PHKA2: variants seen among roughly 807,000 people sequenced by gnomAD.
PHKA2 encodes the protein phosphorylase b kinase regulatory subunit alpha, liver isoform.
PHKA2 carries 31 observed loss-of-function variants against 102.0 expected under a neutral mutation model. The observed-to-expected ratio is 0.30, with a 90% CI of 0.23 to 0.41. The LOEUF (loss-of-function observed/expected upper bound fraction) is 0.41, where lower values mean the gene tolerates loss of function less well. PHKA2 is among the 10% of genes least tolerant of loss of function. The pLI, the probability that PHKA2 is intolerant of heterozygous loss-of-function variation, is 1.00. For missense variants in PHKA2, 858 were observed against 1,023.1 expected, an observed-to-expected ratio of 0.84 and a Z score of 2.20; for synonymous variants, 455 against 416.2, an observed-to-expected ratio of 1.09 and a Z score of -1.13.
rs1436103955 is a variant in PHKA2 at position 18,926,537 on chromosome X, C to T, written c.1375G>A (p.Gly459Arg). The change falls in exon 14 of 33, where the codon GGG becomes AGG. Residue 459 changes from glycine (G) to arginine (R), a missense_variant. By Grantham distance (125) the Gly-to-Arg change is moderately radical. This residue lies in a region of PHKA2 where 671 missense variants were observed against 745.2 expected (regional missense o/e 0.90). Coordinates refer to ENST00000379942, the MANE Select transcript of PHKA2 (RefSeq NM_000292.3). ...NHIKDLLRKH[G>R]VNVQSIADIH... ...TCCGCGATACTCTGGACGTTCACCC[C>T]GTGTTTCCTCAATAAGTCCTTAATG... The T allele has an allele frequency of 1.7e-6, 2 of 1,202,469 alleles. No individual in the cohort carries two copies. The highest frequency in any genetic ancestry group is 3.0e-5 in the East Asian group (1 of 33,732).
At chrX:18,918,958 A>G (rs2048067568) in intron 18 of PHKA2, 104 bp from the exon 19 acceptor site, 9 of 654,960 alleles carry the variant, frequency 1.4e-5, no homozygotes, top group Non-Finnish European at 2.3e-5. Context: ...TAGGCTTAGC[A>G]GATGACAACA....
chrX:18,979,733 C>T (rs2049143703), intron 1 of PHKA2, among the ~76,000 whole-genome samples: 1 of 111,334 alleles, frequency 9.0e-6, no homozygotes, highest in Admixed American at 9.6e-5. Context: ...AAAAGTTCTT[C>T]TCTTTCACAG....
Position 18,948,580 on chromosome X carries a change from G to GA in PHKA2, c.537+163_537+164insT, listed in dbSNP as rs1435406761. Among the ~76,000 whole-genome samples the GA allele has an allele frequency of 5.3e-5, 6 of 112,446 alleles. No homozygotes were observed. In the Admixed American group the frequency reaches 5.6e-4, roughly 11 times the overall value. ...ACCTGAAACCCCCAACTCTATTCCA[G>GA]GACAAAAATATGCAGTTTGTGTGTG... On this transcript the variant is annotated intron_variant, in intron 5 of 32. Coordinates refer to ENST00000379942, the MANE Select transcript of PHKA2 (RefSeq NM_000292.3).
At chrX:18,895,648 C>A (rs1431876491) in intron 30 of PHKA2, 3 of 152,447 alleles carry the variant, frequency 2.0e-5, no homozygotes, top group African/African-American at 9.1e-5. Context: ...CAGACATGCA[C>A]ATGCACACCC....
At chrX:18,956,472 T>C (rs182949033) in intron 1 of PHKA2, among the ~76,000 whole-genome samples, 1 of 112,093 alleles carries the variant, frequency 8.9e-6, no homozygotes, top group African/African-American at 3.2e-5. Context: ...ACAAACAACC[T>C]TCTGGTGACA....
chrX:18,916,773 T>TTCCTG (rs1311016627), intron 19 of PHKA2, among the ~76,000 whole-genome samples: 1 of 112,396 alleles, frequency 8.9e-6, no homozygotes, highest in East Asian at 2.8e-4. Flanking sequence ...AGCATCATGC[T>TTCCTG]TCCTGTACAG....
intron 1 of PHKA2, among the ~76,000 whole-genome samples, chrX:18,980,196 C>A (rs2148049919): frequency 8.9e-6 from 1 of 112,906 alleles, no homozygotes; most frequent in African/African-American, 3.2e-5. Context: ...GGACCTCTGC[C>A]CAGGAAAGCC....
At chrX:18,953,073 T>C (rs951797384) in intron 2 of PHKA2, among the ~76,000 whole-genome samples, 1 of 112,147 alleles carries the variant, frequency 8.9e-6, no homozygotes, top group Non-Finnish European at 1.9e-5. Flanking sequence ...TAATGCTACG[T>C]TAATACATGA....
chrX:18,897,391 T>G, intron 29 of PHKA2, 58 bp from the exon 30 acceptor site: 1 of 1,125,516 alleles, frequency 8.9e-7, no homozygotes, highest in East Asian at 3.0e-5. Flanking sequence ...CCAGGGAAAG[T>G]GCGCCATCTC....
intron 1 of PHKA2, among the ~76,000 whole-genome samples, chrX:18,956,771 CTT>C (rs1305117200): frequency 2.7e-5 from 3 of 112,756 alleles, no homozygotes; most frequent in Non-Finnish European, 5.6e-5. Context: ...ACTTGCTTCT[CTT>C]GTTAAGTCTA....
Position 18,908,890 on chromosome X carries a change from G to A in PHKA2, c.2271C>T (p.Asp757=), listed in dbSNP as rs201428825. 3.4e-5 allele frequency: 41 copies of A among 1,205,870 alleles called. No homozygotes were observed. The highest frequency in any genetic ancestry group is 3.6e-5 in the Non-Finnish European group (32 of 891,686). The change falls in exon 21 of 33, where the codon GAC becomes GAT. Residue 757 remains aspartate (D), a synonymous_variant. Coordinates refer to ENST00000379942, the MANE Select transcript of PHKA2 (RefSeq NM_000292.3). The part of the protein sequence containing the change: ...DFQWPRDDHG[D]VDCEKLVEQL... ...GCTCAACCAGCTTCTCACAGTCCAC[G>A]TCACCATGGTCATCTCTGGGCCACT...
Position 18,905,877 on chromosome X carries a change from G to A in PHKA2, c.2807-18C>T, listed in dbSNP as rs373513953. On this transcript the variant is annotated intron_variant, in intron 25 of 32. Transcript: ENST00000379942. ...CTCTTCTCCTAAAAACAAATATCTT[G>A]TAAGTGTCCCAAACACAGGGCTGGT... 40 of 1,113,131 alleles carry A rather than the reference G, an allele frequency of 3.6e-5. No individual in the cohort carries two copies. The African/African-American group carries it at 5.2e-4, about 15-fold the overall frequency. The allele number at this position is 1,113,131 out of a possible 1,213,427, so 91.7% of individuals were successfully genotyped here.
Position 18,904,087 on chromosome X carries a change from G to A in PHKA2, c.2908+1671C>T, listed in dbSNP as rs138037091. On this transcript the variant is annotated intron_variant, in intron 26 of 32. Coordinates refer to ENST00000379942, the MANE Select transcript of PHKA2 (RefSeq NM_000292.3). ...CCCCAATGGAGCCATGGGAGTGGAGGGCACTGTGCAGGAGGAGTAGTGACA... is the reference window on the plus strand; with the variant it reads ...CCCCAATGGAGCCATGGGAGTGGAGAGCACTGTGCAGGAGGAGTAGTGACA... Among the ~76,000 whole-genome samples the A allele has an allele frequency of 4.7e-4, 53 of 111,820 alleles. No homozygotes were observed. In the East Asian group the frequency reaches 0.014, roughly 29 times the overall value.
chrX:18,956,967 A>C (rs2048786315), intron 1 of PHKA2, among the ~76,000 whole-genome samples: 1 of 111,894 alleles, frequency 8.9e-6, no homozygotes, highest in Non-Finnish European at 1.9e-5. Context: ...CAATGGCGTG[A>C]TCTCAGCTCA....
intron 5 of PHKA2, among the ~76,000 whole-genome samples, chrX:18,946,943 C>T (rs1366608053): frequency 3.7e-5 from 4 of 109,445 alleles, no homozygotes; most frequent in African/African-American, 1.3e-4. Context: ...CTAGATGCCA[C>T]GAACACCTAC....
intron 1 of PHKA2, among the ~76,000 whole-genome samples, chrX:18,956,497 T>C (rs1481784624): frequency 8.9e-6 from 1 of 112,090 alleles, no homozygotes; most frequent in Non-Finnish European, 1.9e-5. Flanking sequence ...AGTGATCGCT[T>C]ACACATAGTG....
Position 18,899,161 on chromosome X carries a change from A to AG in PHKA2, c.3111+11dup. 1 of 1,200,941 alleles carries AG rather than the reference A, an allele frequency of 8.3e-7. No individual in the cohort carries two copies. The highest frequency in any genetic ancestry group is 1.1e-6 in the Non-Finnish European group (1 of 885,557). On this transcript the variant is annotated intron_variant, in intron 29 of 32. Transcript: ENST00000379942. Reference sequence around the variant, plus strand: ...AGCGGGGACGGACACAATAATCCCGAGGCACTGTTACCGCAGACTTGGAGG... The same window carrying AG: ...AGCGGGGACGGACACAATAATCCCGAGGGCACTGTTACCGCAGACTTGGAGG...
In PHKA2 at chrX:18,943,741, T is replaced by C; in HGVS notation, c.686A>G (p.His229Arg). 5.0e-6 allele frequency: 6 copies of C among 1,210,291 alleles called. No homozygotes were observed. Among genetic ancestry groups the C allele is most frequent in the African/African-American group, 1.7e-5 (1 of 57,767 alleles). The change falls in exon 7 of 33, where the codon CAT becomes CGT. Residue 229 changes from histidine (H) to arginine (R), a missense_variant. By Grantham distance (29) the His-to-Arg change is conservative (BLOSUM62 0). Around this residue, in one of 2 missense-constraint regions of PHKA2, gnomAD observed 187 missense variants for 277.9 expected, o/e 0.67. Transcript: ENST00000379942. ...GTGCTCGACCTCATCTGGCAGAACA[T>C]GAATCACTGACTTGCGTCCTCCATG... is the stretch of plus-strand genomic sequence containing the variant. ...GAHGGRKSVI[H>R]VLPDEVEHCQ...
chrX:18,973,553 T>C (rs1191907496), intron 1 of PHKA2, among the ~76,000 whole-genome samples: 1 of 112,346 alleles, frequency 8.9e-6, no homozygotes, highest in African/African-American at 3.2e-5. Context: ...CATAAGTGAC[T>C]TTCCTCTGTA....
Sources: gnomAD v4.1 joint callset for allele counts (sites outside exome capture counted in the v4.1 genomes callset) on GRCh38, gnomAD v4.1.1 for gene constraint, gnomAD v4.1.1 regional missense constraint, MANE v1.5 for transcripts, NCBI Gene and HGNC (gene_info 2026-07-23, HGNC 2026-07-21) for gene names.